Variants in PRKCA observed in about 807,000 individuals in gnomAD.
PRKCA encodes the protein protein kinase C alpha.
A neutral mutation model predicts 87.0 loss-of-function variants in PRKCA; 27 were observed. The observed-to-expected ratio is 0.31, with a 90% CI of 0.23 to 0.43. The LOEUF (loss-of-function observed/expected upper bound fraction) is 0.43, where lower values mean the gene tolerates loss of function less well. PRKCA is among the 20% of genes least tolerant of loss of function. The pLI, the probability that PRKCA is intolerant of heterozygous loss-of-function variation, is 1.00. For synonymous variants in PRKCA, 329 were observed against 311.1 expected, an observed-to-expected ratio of 1.06 and a Z score of -0.61; for missense variants, 518 against 852.3, an observed-to-expected ratio of 0.61 and a Z score of 4.88.
intron 5 of PRKCA, among the ~76,000 whole-genome samples, chr17:66,651,475 G>A (rs1195282764): frequency 6.6e-6 from 1 of 152,154 alleles, no homozygotes; most frequent in Non-Finnish European, 1.5e-5. Context: ...GTAAGGAGAC[G>A]CAGCAGGTAG....
At chr17:66,325,713 G>A (rs950948777) in intron 2 of PRKCA, among the ~76,000 whole-genome samples, 2 of 152,068 alleles carry the variant, frequency 1.3e-5, no homozygotes, top group African/African-American at 4.8e-5. Flanking sequence ...TAAGGGGCGG[G>A]TGGTTGTGAT....
intron 2 of PRKCA, among the ~76,000 whole-genome samples, chr17:66,424,220 T>A (rs1392262334): frequency 6.6e-6 from 1 of 152,096 alleles, no homozygotes; most frequent in Non-Finnish European, 1.5e-5. Context: ...TGATGATGGT[T>A]TTCTTTGATG....
At chr17:66,307,480 G>T (rs2143114717) in intron 2 of PRKCA, among the ~76,000 whole-genome samples, 1 of 152,246 alleles carries the variant, frequency 6.6e-6, no homozygotes, top group South Asian at 2.1e-4. Context: ...TTTTTCGTTT[G>T]GGTGGGGACT....
chr17:66,353,307 A>G lies in PRKCA; in HGVS notation c.205+47180A>G, dbSNP rs139034677. The stretch of plus-strand genomic sequence containing the variant: ...TTAATTTTTCTGATTGCTTTTGGTA[A>G]CCTTCTATTTGGGCTGTGTGCCGAA... On this transcript the variant is annotated intron_variant, in intron 2 of 16. Transcript: ENST00000413366. Among the ~76,000 whole-genome samples the G allele has an allele frequency of 2.2e-3, 334 of 152,204 alleles. 1 individual carries two copies. Among genetic ancestry groups the G allele is most frequent in the African/African-American group, 7.7e-3 (318 of 41,522 alleles).
intron 3 of PRKCA, among the ~76,000 whole-genome samples, chr17:66,571,623 A>C (rs1474196594): frequency 1.1e-5 from 1 of 89,444 alleles, no homozygotes; most frequent in East Asian, 2.8e-4. Context: ...TTAATTGAAC[A>C]ACCTTCCTCA....
At chr17:66,550,140 C>T (rs1041368209) in intron 3 of PRKCA, among the ~76,000 whole-genome samples, 1 of 152,176 alleles carries the variant, frequency 6.6e-6, no homozygotes, top group African/African-American at 2.4e-5. Flanking sequence ...CAGAGTTTTA[C>T]TCTTTTTTCT....
At chr17:66,438,857 C>T (rs1483024680) in intron 2 of PRKCA, among the ~76,000 whole-genome samples, 3 of 152,038 alleles carry the variant, frequency 2.0e-5, no homozygotes, top group Admixed American at 1.3e-4. Context: ...GGGGATACTG[C>T]CCCCCATGAT....
At chr17:66,618,972 C>T (rs2143682301) in intron 3 of PRKCA, among the ~76,000 whole-genome samples, 1 of 152,072 alleles carries the variant, frequency 6.6e-6, no homozygotes, top group East Asian at 1.9e-4. Context: ...GGAGGGGGAA[C>T]CCATATAAGT....
chr17:66,712,425 A>G (rs1973354216), intron 8 of PRKCA, among the ~76,000 whole-genome samples: 1 of 152,182 alleles, frequency 6.6e-6, no homozygotes. Context: ...CATCTGAATC[A>G]CAGAGCTTAG....
chr17:66,460,627 T>C (rs1914802262), intron 2 of PRKCA, among the ~76,000 whole-genome samples: 1 of 152,192 alleles, frequency 6.6e-6, no homozygotes. Context: ...GCCCTCCTAG[T>C]TGGAGAACCA....
intron 2 of PRKCA, among the ~76,000 whole-genome samples, chr17:66,410,608 C>T (rs779302577): frequency 6.6e-6 from 1 of 152,170 alleles, no homozygotes; most frequent in Admixed American, 6.5e-5. Flanking sequence ...CAGAGTCTCA[C>T]TCTGTTACTC....
intron 2 of PRKCA, among the ~76,000 whole-genome samples, chr17:66,456,971 GA>G (rs1914601975): frequency 6.6e-6 from 1 of 152,134 alleles, no homozygotes; most frequent in Non-Finnish European, 1.5e-5. Flanking sequence ...TTCTGTACAT[GA>G]ATGTCATGAA....
chr17:66,686,959 C>T (rs1972644590), intron 5 of PRKCA, 152 bp from the exon 6 acceptor site: 1 of 675,074 alleles, frequency 1.5e-6, no homozygotes, highest in Non-Finnish European at 2.5e-6. Context: ...TAGCTTTTCT[C>T]ATGTCGAGTG....
At chr17:66,569,226 G>A (rs2143376496) in intron 3 of PRKCA, among the ~76,000 whole-genome samples, 1 of 152,250 alleles carries the variant, frequency 6.6e-6, no homozygotes, top group Admixed American at 6.5e-5. Flanking sequence ...ACTGGTATTG[G>A]GGGAAGATAT....
intron 3 of PRKCA, among the ~76,000 whole-genome samples, chr17:66,523,926 CA>C (rs1246004664): frequency 1.3e-5 from 2 of 152,174 alleles, no homozygotes; most frequent in African/African-American, 4.8e-5. Flanking sequence ...TGCTTATATT[CA>C]AAAGCTTGTT....
rs552922158 is a variant in PRKCA at position 66,725,295 on chromosome 17, G to A, written c.919-7393G>A. Among the ~76,000 whole-genome samples, 236 of 152,304 alleles carry A rather than the reference G, an allele frequency of 1.5e-3. 1 individual carries two copies. Among genetic ancestry groups the A allele is most frequent in the Non-Finnish European group, 2.8e-3 (188 of 68,020 alleles). On this transcript the variant is annotated intron_variant, in intron 8 of 16. Transcript: ENST00000413366. ...GACTATCAGCTGCCTTTTTATGTTAGTTTGTCATCTGGCCAACTAGTGCTG... is the reference window on the plus strand; with the variant it reads ...GACTATCAGCTGCCTTTTTATGTTAATTTGTCATCTGGCCAACTAGTGCTG...
rs183019320 is a variant in PRKCA, at chr17:66,501,791, C to T, written c.288+5508C>T. Reference sequence around the variant, plus strand: ...TCTCCACCAAATTAAGATGCAGACTCGGACATGGGCAGGTAGAAGTCGAGA... The same window carrying T: ...TCTCCACCAAATTAAGATGCAGACTTGGACATGGGCAGGTAGAAGTCGAGA... On this transcript the variant is annotated intron_variant, in intron 3 of 16. Transcript: ENST00000413366. Among the ~76,000 whole-genome samples, 50 of 152,332 alleles carry T rather than the reference C, an allele frequency of 3.3e-4. 1 individual carries two copies. The East Asian group carries it at 8.3e-3, about 25-fold the overall frequency.
chr17:66,392,663 G>A (rs1428914243), intron 2 of PRKCA, among the ~76,000 whole-genome samples: 4 of 152,136 alleles, frequency 2.6e-5, no homozygotes, highest in Non-Finnish European at 5.9e-5. Flanking sequence ...AGCTGCATCC[G>A]CCTTGCTGTG....
intron 2 of PRKCA, among the ~76,000 whole-genome samples, chr17:66,447,296 C>A (rs986508954): frequency 1.3e-5 from 2 of 152,120 alleles, no homozygotes; most frequent in African/African-American, 4.8e-5. Context: ...ATTCATTGTC[C>A]TCTGAGTAGC....
Sources: gnomAD v4.1 joint callset for allele counts (sites outside exome capture counted in the v4.1 genomes callset) on GRCh38, gnomAD v4.1.1 for gene constraint, MANE v1.5 for transcripts, NCBI Gene and HGNC (gene_info 2026-07-23, HGNC 2026-07-21) for gene names.